The following MAMDC2 variants were observed in gnomAD, a reference collection of about 807,000 sequenced individuals.
MAMDC2 encodes MAM domain-containing protein 2.
A neutral mutation model predicts 89.8 loss-of-function variants in MAMDC2; 57 were observed. The observed-to-expected ratio is 0.63, with a 90% CI of 0.51 to 0.79. The LOEUF (loss-of-function observed/expected upper bound fraction) is 0.79. MAMDC2 is among the 30% of genes least tolerant of loss of function. The pLI, the probability that MAMDC2 is intolerant of heterozygous loss-of-function variation, is 0.00. For synonymous variants in MAMDC2, 313 were observed against 293.4 expected, an observed-to-expected ratio of 1.07 and a Z score of -0.68; for missense variants, 800 against 820.6, an observed-to-expected ratio of 0.97 and a Z score of 0.31.
intron 11 of MAMDC2, among the ~76,000 whole-genome samples, chr9:70,195,871 T>C (rs2118613835): frequency 6.6e-6 from 1 of 152,202 alleles, no homozygotes; most frequent in East Asian, 1.9e-4. Flanking sequence ...AAAAAACAAT[T>C]GTATGCTAAG....
Position 70,045,142 on chromosome 9 carries a change from T to C in MAMDC2, c.148+445T>C, listed in dbSNP as rs950151036. Reference sequence around the variant, plus strand: ...CAGAAATGGTTCCACAATTCTGTGATGGGACGTCAGTGCTAAGACATCACG... The same window carrying C: ...CAGAAATGGTTCCACAATTCTGTGACGGGACGTCAGTGCTAAGACATCACG... On this transcript the variant is annotated intron_variant, in intron 2 of 13. Transcript: ENST00000377182. 7.2e-5 allele frequency among the ~76,000 whole-genome samples: 11 copies of C among 152,370 alleles called. No individual in the cohort carries two copies. In the South Asian group the frequency reaches 8.3e-4, roughly 11 times the overall value.
chr9:70,142,931 T>A (rs2031277083), intron 8 of MAMDC2, among the ~76,000 whole-genome samples: 1 of 151,886 alleles, frequency 6.6e-6, no homozygotes, highest in African/African-American at 2.4e-5. Context: ...GAGGGGGAGG[T>A]TCCTGATCTT....
intron 11 of MAMDC2, among the ~76,000 whole-genome samples, chr9:70,216,123 TCAC>T (rs776144567): frequency 6.6e-6 from 1 of 152,222 alleles, no homozygotes; most frequent in Non-Finnish European, 1.5e-5. Context: ...CTTGATTTGG[TCAC>T]CAATTTCTGC....
chr9:70,123,917 G>T (rs2030404159), intron 5 of MAMDC2, among the ~76,000 whole-genome samples: 1 of 152,164 alleles, frequency 6.6e-6, no homozygotes, highest in African/African-American at 2.4e-5. Context: ...CTTGACTTCT[G>T]GACTCCAGAA....
At chr9:70,106,476 G>A (rs1587475752) in intron 2 of MAMDC2, among the ~76,000 whole-genome samples, 1 of 152,248 alleles carries the variant, frequency 6.6e-6, no homozygotes, top group East Asian at 1.9e-4. Context: ...AAAGAGGATG[G>A]TGCTAATACA....
chr9:70,226,045 A>T lies in MAMDC2; in HGVS notation c.*13A>T. On this transcript the variant is annotated 3_prime_UTR_variant, in exon 14 of 14. Coordinates refer to ENST00000377182, the MANE Select transcript of MAMDC2 (RefSeq NM_153267.5). ...AATTGAGTATTAAGAAATGATCTGCATTGGATTTACTAGACGAAAACCATA... is the reference window on the plus strand; with the variant it reads ...AATTGAGTATTAAGAAATGATCTGCTTTGGATTTACTAGACGAAAACCATA... 6.7e-7 allele frequency: 1 copy of T among 1,498,458 alleles called. No individual in the cohort carries two copies. 92.8% of individuals were successfully genotyped at this position (1,498,458 alleles called of 1,614,324 possible). A position where few individuals can be genotyped will look rare whatever the true frequency, so the allele number is the denominator to read the frequency against.
chr9:70,131,638 A>C, intron 7 of MAMDC2, 26 bp downstream of exon 7: 1 of 1,529,320 alleles, frequency 6.5e-7, no homozygotes, highest in Non-Finnish European at 9.0e-7. Flanking sequence ...TTGTCATTGC[A>C]TTTTGGGATG....
chr9:70,221,532 T>C (rs2033566775), intron 12 of MAMDC2, among the ~76,000 whole-genome samples: 1 of 150,630 alleles, frequency 6.6e-6, no homozygotes, highest in African/African-American at 2.4e-5. Flanking sequence ...GGTCAAAGGC[T>C]ACAAAGTTTC....
chr9:70,044,668 CCT>C lies in MAMDC2; in HGVS notation c.124_125del (p.Leu42AlafsTer6). 1 of 1,551,640 alleles carries C rather than the reference CCT, an allele frequency of 6.4e-7. No individual in the cohort carries two copies. Among genetic ancestry groups the C allele is most frequent in the Non-Finnish European group, 8.7e-7 (1 of 1,146,966 alleles). ...ACTTGCGGCTTTGACTCCGTGTTGGCCTCTCTGCCGTGGATTTTAAATGAGGA... is the reference window on the plus strand; with the variant it reads ...ACTTGCGGCTTTGACTCCGTGTTGGCCTCTGCCGTGGATTTTAAATGAGGA... On this transcript the variant is annotated frameshift_variant, in exon 2 of 14. Coordinates refer to ENST00000377182, the MANE Select transcript of MAMDC2 (RefSeq NM_153267.5). LOFTEE classifies it high-confidence loss of function.
chr9:70,138,947 T>C (rs564118195), intron 7 of MAMDC2, among the ~76,000 whole-genome samples: 7 of 152,180 alleles, frequency 4.6e-5, no homozygotes, highest in Admixed American at 3.3e-4. Context: ...CAAAGGAAAA[T>C]TGTTTCTATA....
At chr9:70,155,104 A>G (rs962724460) in intron 9 of MAMDC2, among the ~76,000 whole-genome samples, 1 of 152,102 alleles carries the variant, frequency 6.6e-6, no homozygotes, top group Non-Finnish European at 1.5e-5. Flanking sequence ...AACCCAGGGT[A>G]GCTTTCATCT....
chr9:70,161,717 CA>C (rs1486017966), intron 9 of MAMDC2, among the ~76,000 whole-genome samples: 1 of 152,168 alleles, frequency 6.6e-6, no homozygotes, highest in African/African-American at 2.4e-5. Context: ...AACTTATTGT[CA>C]AACAGTTAAA....
At chr9:70,123,770 T>A (rs1018606250) in intron 5 of MAMDC2, among the ~76,000 whole-genome samples, 7 of 152,082 alleles carry the variant, frequency 4.6e-5, no homozygotes, top group African/African-American at 1.7e-4. Context: ...GAATGCCATG[T>A]AAAGATAAAG....
chr9:70,108,940 C>A (rs1828423023), intron 3 of MAMDC2, among the ~76,000 whole-genome samples: 1 of 152,116 alleles, frequency 6.6e-6, no homozygotes, highest in Non-Finnish European at 1.5e-5. Context: ...AGGACATGTT[C>A]CATTTCCTTT....
chr9:70,134,976 T>C (rs1046413795), intron 7 of MAMDC2, among the ~76,000 whole-genome samples: 3 of 152,186 alleles, frequency 2.0e-5, no homozygotes, highest in African/African-American at 2.4e-5. Flanking sequence ...ATGAGCCTTT[T>C]AGTCTGTGGG....
intron 11 of MAMDC2, among the ~76,000 whole-genome samples, chr9:70,171,751 T>C (rs1006944404): frequency 1.3e-5 from 2 of 152,230 alleles, no homozygotes; most frequent in Non-Finnish European, 2.9e-5. Flanking sequence ...TTTAATCTTT[T>C]GGCTTCTCTG....
chr9:70,212,468 C>T (rs2033374827), intron 11 of MAMDC2, among the ~76,000 whole-genome samples: 2 of 152,230 alleles, frequency 1.3e-5, no homozygotes, highest in African/African-American at 4.8e-5. Flanking sequence ...TTTGCTAAGA[C>T]TGTTGGAAAA....
chr9:70,202,861 G>A (rs1160994292), intron 11 of MAMDC2, among the ~76,000 whole-genome samples: 1 of 149,528 alleles, frequency 6.7e-6, no homozygotes, highest in Non-Finnish European at 1.5e-5. Flanking sequence ...TGTTTTATCA[G>A]AGACTAGGAT....
intron 2 of MAMDC2, among the ~76,000 whole-genome samples, chr9:70,104,750 A>G (rs1828287971): frequency 6.6e-6 from 1 of 152,176 alleles, no homozygotes; most frequent in African/African-American, 2.4e-5. Context: ...TCAGGCAGAC[A>G]GAAAGTAGAT....
Sources: allele counts gnomAD v4.1 joint callset (sites outside exome capture counted in the v4.1 genomes callset), GRCh38; gene constraint gnomAD v4.1.1; transcripts MANE v1.5; gene names NCBI Gene and HGNC (gene_info 2026-07-23, HGNC 2026-07-21).